GPR153: variants seen among roughly 807,000 people sequenced by gnomAD.
The protein encoded by GPR153 is G protein-coupled receptor 153.
Under a neutral mutation model 34.1 loss-of-function variants are expected in GPR153, and 27 were observed. That is an observed-to-expected ratio of 0.79 (90% CI 0.58 to 1.09). The LOEUF (loss-of-function observed/expected upper bound fraction) is 1.09. Among genes scored for constraint, GPR153 ranks in the 50% least tolerant of loss-of-function variants. The pLI is 0.00. For synonymous variants in GPR153, 408 were observed against 405.4 expected, an observed-to-expected ratio of 1.01 and a Z score of -0.08; for missense variants, 848 against 860.2, an observed-to-expected ratio of 0.99 and a Z score of 0.18.
intron 1 of GPR153, among the ~76,000 whole-genome samples, chr1:6,256,995 G>T (rs983733015): frequency 1.2e-4 from 19 of 152,260 alleles, no homozygotes; most frequent in African/African-American, 3.9e-4. Flanking sequence ...GCTGTATACG[G>T]GGTGCCCAAT....
chr1:6,255,661 T>TTG (rs1557615334), intron 1 of GPR153, among the ~76,000 whole-genome samples: 1 of 140,372 alleles, frequency 7.1e-6, no homozygotes, highest in African/African-American at 2.7e-5. Flanking sequence ...TTTTTTTTTT[T>TTG]TTTTTTTTTG....
chr1:6,253,904 G>A lies in GPR153; in HGVS notation c.600C>T (p.Ala200=), dbSNP rs781180390. 2.5e-5 allele frequency: 41 copies of A among 1,609,136 alleles called. No individual in the cohort carries two copies. Among genetic ancestry groups the A allele is most frequent in the African/African-American group, 9.4e-5 (7 of 74,842 alleles). Residue 200 remains alanine, a synonymous_variant, in exon 3 of 6, where the codon GCC becomes GCT. Transcript: ENST00000377893. Reference sequence around the variant, plus strand: ...GGTCGGCCTGGCGCCCCACCTGCACGGCCAGCGTCTGGAAGAGGGCGATGG... The same window carrying A: ...GGTCGGCCTGGCGCCCCACCTGCACAGCCAGCGTCTGGAAGAGGGCGATGG... ...CTAIALFQTL[A]VQVGRQADRR...
rs1181908382 is a variant in GPR153 at position 6,248,007 on chromosome 1, G to C, written c.*1331C>G. 1 of 152,386 alleles carries C rather than the reference G, an allele frequency of 6.6e-6. No individual in the cohort carries two copies. The highest frequency in any genetic ancestry group is 1.9e-4 in the East Asian group (1 of 5,200). 9.4% of individuals were successfully genotyped at this position (152,386 alleles called of 1,614,324 possible). On this transcript the variant is annotated 3_prime_UTR_variant, in exon 6 of 6. Transcript: ENST00000377893. ...GGCCACCTGAGGGCCAGAAGGAACTGGGCACAGGCAGGCTCTATGCTCACC... is the reference window on the plus strand; with the variant it reads ...GGCCACCTGAGGGCCAGAAGGAACTCGGCACAGGCAGGCTCTATGCTCACC...
Position 6,254,995 on chromosome 1 carries a change from A to G in GPR153, c.-90T>C, listed in dbSNP as rs1638534960. 7.1e-6 allele frequency: 7 copies of G among 987,648 alleles called. No homozygotes were observed. The highest frequency in any genetic ancestry group is 1.0e-5 in the Non-Finnish European group (7 of 696,818). The allele number at this position is 987,648 out of a possible 1,614,324, so 61.2% of individuals were successfully genotyped here. On this transcript the variant is annotated 5_prime_UTR_variant, in exon 2 of 6. Coordinates refer to ENST00000377893, the MANE Select transcript of GPR153 (RefSeq NM_207370.4). ...AGCCCTCACTCCTGGTGGCTCAAGG[A>G]TGCTGGGGACCACGAGCATCTGTGG...
chr1:6,250,411 T>C (rs1638416122), intron 5 of GPR153, 29 bp downstream of exon 5: 8 of 1,540,556 alleles, frequency 5.2e-6, no homozygotes, highest in Non-Finnish European at 7.0e-6. Flanking sequence ...CACCCGCAGG[T>C]GCGGCCTCTC....
chr1:6,258,082 C>T (rs1237172844), intron 1 of GPR153, among the ~76,000 whole-genome samples: 1 of 152,226 alleles, frequency 6.6e-6, no homozygotes, highest in East Asian at 1.9e-4. Flanking sequence ...GGCTCTCGGG[C>T]AGGGAAGGCA....
At chr1:6,257,437 G>A (rs1021298409) in intron 1 of GPR153, among the ~76,000 whole-genome samples, 7 of 152,314 alleles carry the variant, frequency 4.6e-5, no homozygotes, top group Non-Finnish European at 8.8e-5. Context: ...AGGACCCCGC[G>A]CTGAGGTTAA....
Position 6,249,873 on chromosome 1 carries a change from C to T in GPR153, c.1295G>A (p.Gly432Glu), listed in dbSNP as rs1359576700. Residue 432 changes from glycine (G) to glutamate (E), a missense_variant, in exon 6 of 6, where the codon GGG (glycine) becomes GAG (glutamate). Coordinates refer to ENST00000377893, the MANE Select transcript of GPR153 (RefSeq NM_207370.4). This position sits in a 1 kb window ranked among gnomAD's most constrained non-coding sequence, Gnocchi z 4.3. The stretch of plus-strand genomic sequence containing the variant: ...GAGGCTGGCGCGGCGCCGCTCGGGC[C>T]CGGCAGGCAGCACCAGGTGCGCCAG... ...AALAHLVLPA[G>E]PERRRASLLA... 6 of 1,283,906 alleles carry T rather than the reference C, an allele frequency of 4.7e-6. No individual in the cohort carries two copies. 79.5% of individuals were successfully genotyped at this position (1,283,906 alleles called of 1,614,324 possible). A position where few individuals can be genotyped will look rare whatever the true frequency, so the allele number is the denominator to read the frequency against.
chr1:6,251,468 C>T lies in GPR153; in HGVS notation c.849G>A (p.Leu283=), dbSNP rs758602985. 1.2e-6 allele frequency: 2 copies of T among 1,613,122 alleles called. No individual in the cohort carries two copies. The highest frequency in any genetic ancestry group is 2.2e-5 in the East Asian group (1 of 44,884). Residue 283 remains leucine (L), a synonymous_variant, in exon 4 of 6, where the codon CTG becomes CTA. Transcript: ENST00000377893. The surrounding 1 kb of genome is among the most constrained non-coding windows in gnomAD (Gnocchi z 4.9). The stretch of plus-strand genomic sequence containing the variant: ...GCAGGGCCTGGGCCACGGAGCACCA[C>T]AGCACGCAGAGTGCCATCCAGGGCG... ...ASAPWMALCV[L]WCSVAQALLL...
chr1:6,249,743 G>A lies in GPR153; in HGVS notation c.1425C>T (p.Ala475=), dbSNP rs1638394980. 1.0e-5 allele frequency: 11 copies of A among 1,082,594 alleles called. No homozygotes were observed. The South Asian group carries it at 3.0e-4, about 30-fold the overall frequency. 67.1% of individuals were successfully genotyped at this position (1,082,594 alleles called of 1,614,324 possible). Residue 475 remains alanine, a synonymous_variant, in exon 6 of 6, where the codon GCC becomes GCT. Coordinates refer to ENST00000377893, the MANE Select transcript of GPR153 (RefSeq NM_207370.4). The surrounding 1 kb of genome is among the most constrained non-coding windows in gnomAD (Gnocchi z 4.3). ...PSALDSGPRG[A]RDSPPGSPRR... ...GCGGGCTGCCGGGGGGCGAGTCGCG[G>A]GCTCCCCGCGGGCCGCTATCCAGGG...
rs749227016 is a variant in GPR153 at position 6,254,797 on chromosome 1, TCTG to T, written c.106_108del (p.Gln36del). On this transcript the variant is annotated inframe_deletion, in exon 2 of 6. Transcript: ENST00000377893. Reference sequence around the variant, plus strand: ...AGGAACTCCAAGGGCTTCCACTTCTTCTGCTTGGCGCCAACGCTGAGGATGCCC... The same window carrying T: ...AGGAACTCCAAGGGCTTCCACTTCTTCTTGGCGCCAACGCTGAGGATGCCC... 1.1e-5 allele frequency: 18 copies of T among 1,613,348 alleles called. No individual in the cohort carries two copies.
At chr1:6,257,868 C>A (rs1266759759) in intron 1 of GPR153, among the ~76,000 whole-genome samples, 1 of 152,232 alleles carries the variant, frequency 6.6e-6, no homozygotes, top group Non-Finnish European at 1.5e-5. Flanking sequence ...GTGGGAGAAG[C>A]CCAGTACCAA....
rs1302854639 is a variant in GPR153 at position 6,249,582 on chromosome 1, G to C, written c.1586C>G (p.Pro529Arg). 3.4e-6 allele frequency: 4 copies of C among 1,170,656 alleles called. No homozygotes were observed. The highest frequency in any genetic ancestry group is 8.4e-5 in the South Asian group (2 of 23,818). 72.5% of individuals were successfully genotyped at this position (1,170,656 alleles called of 1,614,324 possible). Reference sequence around the variant, plus strand: ...GGCCTCTCCGGGATCTGCGCCGTCGGGGGCGGCGGGCGCAGCGGGGAAGGG... The same window carrying C: ...GGCCTCTCCGGGATCTGCGCCGTCGCGGGCGGCGGGCGCAGCGGGGAAGGG... Reference protein sequence around the residue: ...PGPFPAAPAAPDGADPGEAPT... With the variant: ...PGPFPAAPAARDGADPGEAPT... The change falls in exon 6 of 6, where the codon CCC (proline) becomes CGC (arginine). Residue 529 changes from proline (P) to arginine (R), a missense_variant. Physicochemically the swap from Pro to Arg is moderately radical, Grantham distance 103 (BLOSUM62 -2). Transcript: ENST00000377893. The surrounding 1 kb of genome is among the most constrained non-coding windows in gnomAD (Gnocchi z 4.3).
In GPR153 at chr1:6,253,951, C is replaced by A; in HGVS notation, c.553G>T (p.Ala185Ser). Residue 185 changes from alanine (A) to serine (S), a missense_variant, in exon 3 of 6, where the codon GCC (alanine) becomes TCC (serine). Physicochemically the swap from Ala to Ser is moderately conservative, Grantham distance 99. Coordinates refer to ENST00000377893, the MANE Select transcript of GPR153 (RefSeq NM_207370.4). ...ATGGCTGTGCAGATCACGCCCATGG[C>A]CACGCTGCCGCCCACCAGCAGCAGG... ...CFLLLVGGSV[A>S]MGVICTAIAL... 2 of 1,612,342 alleles carry A rather than the reference C, an allele frequency of 1.2e-6. No homozygotes were observed. The highest frequency in any genetic ancestry group is 1.7e-6 in the Non-Finnish European group (2 of 1,179,600).
At position 6,254,146 on chromosome 1, in the gene GPR153, G is replaced by A. The variant is rs1370892051; in HGVS notation, c.358C>T (p.Leu120=). 1.2e-6 allele frequency: 2 copies of A among 1,604,602 alleles called. No homozygotes were observed. Among genetic ancestry groups the A allele is most frequent in the East Asian group, 2.2e-5 (1 of 44,680 alleles). The change falls in exon 3 of 6, where the codon CTG becomes TTG. Residue 120 remains leucine (L), a splice_region_variant and synonymous_variant. Transcript: ENST00000377893. ...ACCGCCTGCTTCTTGGCATTGCTCAGCCTGGCATGAGGCAGGGTGGAACAG... is the reference window on the plus strand; with the variant it reads ...ACCGCCTGCTTCTTGGCATTGCTCAACCTGGCATGAGGCAGGGTGGAACAG... ...WMVCWPVNYR[L]SNAKKQAVHT...
chr1:6,253,970 C>A lies in GPR153; in HGVS notation c.534G>T (p.Leu178=). 1 of 1,612,948 alleles carries A rather than the reference C, an allele frequency of 6.2e-7. No individual in the cohort carries two copies. ...IGLGFGVCFL[L]LVGGSVAMGV... is the part of the protein sequence containing the mutation. ...CCATGGCCACGCTGCCGCCCACCAG[C>A]AGCAGGAAGCAGACGCCAAAGCCCA... The change falls in exon 3 of 6, where the codon CTG becomes CTT. Residue 178 remains leucine (L), a synonymous_variant. Coordinates refer to ENST00000377893, the MANE Select transcript of GPR153 (RefSeq NM_207370.4).
chr1:6,254,480 G>T, intron 2 of GPR153, 70 bp downstream of exon 2: 1 of 1,349,346 alleles, frequency 7.4e-7, no homozygotes, highest in Non-Finnish European at 1.0e-6. Flanking sequence ...GTGCGCATGG[G>T]CACACCAGAT....
At position 6,253,756 on chromosome 1, in the gene GPR153, C is replaced by T. The variant is rs772938106; in HGVS notation, c.748G>A (p.Val250Ile). 3.2e-6 allele frequency: 5 copies of T among 1,540,704 alleles called. 1 individual carries two copies. Among genetic ancestry groups the T allele is most frequent in the South Asian group, 2.5e-5 (2 of 78,758 alleles). ...LQTTGLVTTIVFIYDCLMGFP... is the reference protein window; with the variant it reads ...LQTTGLVTTIIFIYDCLMGFP... ...CCCATGAGGCAGTCGTAGATGAAGACTATGGTGGTCACGAGGCCCGTGGTC... is the reference window on the plus strand; with the variant it reads ...CCCATGAGGCAGTCGTAGATGAAGATTATGGTGGTCACGAGGCCCGTGGTC... The change falls in exon 3 of 6, where the codon GTC (valine) becomes ATC (isoleucine). Residue 250 changes from valine to isoleucine, a missense_variant. By Grantham distance (29) the Val-to-Ile change is conservative (BLOSUM62 3). Transcript: ENST00000377893.
In GPR153 at chr1:6,249,894, G is replaced by T. The variant is rs1462185839; in HGVS notation, c.1274C>A (p.Ala425Glu). Residue 425 changes from alanine (A) to glutamate (E), a missense_variant, in exon 6 of 6, where the codon GCG (alanine) becomes GAG (glutamate). By Grantham distance (107) the Ala-to-Glu change is moderately radical (BLOSUM62 -1). Coordinates refer to ENST00000377893, the MANE Select transcript of GPR153 (RefSeq NM_207370.4). The surrounding 1 kb of genome is among the most constrained non-coding windows in gnomAD (Gnocchi z 4.3). ...WGSGEDLAALAHLVLPAGPER... is the reference protein window; with the variant it reads ...WGSGEDLAALEHLVLPAGPER... ...GGGCCCGGCAGGCAGCACCAGGTGC[G>T]CCAGGGCGGCCAGGTCCTCGCCGGA... is the stretch of plus-strand genomic sequence containing the variant. The T allele has an allele frequency of 1.5e-6, 2 of 1,293,326 alleles. No individual in the cohort carries two copies. The highest frequency in any genetic ancestry group is 1.6e-5 in the African/African-American group (1 of 64,452). 80.1% of individuals were successfully genotyped at this position (1,293,326 alleles called of 1,614,324 possible).
Sources: gnomAD v4.1 joint callset for allele counts (sites outside exome capture counted in the v4.1 genomes callset) on GRCh38, gnomAD v4.1.1 for gene constraint, Gnocchi (gnomAD v3.1) non-coding constraint, MANE v1.5 for transcripts, NCBI Gene and HGNC (gene_info 2026-07-23, HGNC 2026-07-21) for gene names.